MCM10: variants seen among roughly 807,000 people sequenced by gnomAD.
MCM10 encodes minichromosome maintenance 10 replication initiation factor.
MCM10 carries 91 observed loss-of-function variants against 109.9 expected under a neutral mutation model. The observed-to-expected ratio is 0.83, with a 90% CI of 0.70 to 0.99. The LOEUF (loss-of-function observed/expected upper bound fraction) is 0.99, where lower values mean the gene tolerates loss of function less well. Among genes scored for constraint, MCM10 ranks in the 50% least tolerant of loss-of-function variants. The pLI is 0.00. For missense variants in MCM10, 1,077 were observed against 1,061.2 expected (o/e 1.01, Z -0.21); for synonymous variants, 380 against 387.2 (o/e 0.98, Z 0.22).
rs1473574732 is a variant in MCM10 at position 13,201,551 on chromosome 10, G to C, written c.2352+17G>C. 6.3e-7 allele frequency: 1 copy of C among 1,578,988 alleles called. No individual in the cohort carries two copies. Among genetic ancestry groups the C allele is most frequent in the Non-Finnish European group, 8.6e-7 (1 of 1,156,258 alleles). On this transcript the variant is annotated intron_variant, in intron 17 of 19. Coordinates refer to ENST00000378714, the MANE Select transcript of MCM10 (RefSeq NM_018518.5). The stretch of plus-strand genomic sequence containing the variant: ...TGCAAGACGGTGGGTGAAGGTGGGG[G>C]CTGCAGCAACCCATGGGCCCTGTGT...
At chr10:13,168,538 GA>G (rs1834031223) in intron 2 of MCM10, among the ~76,000 whole-genome samples, 2 of 151,774 alleles carry the variant, frequency 1.3e-5, no homozygotes, top group Non-Finnish European at 2.9e-5. Context: ...GAGTAGGTCA[GA>G]TATCCTTAAT....
intron 5 of MCM10, 137 bp from the exon 6 acceptor site, chr10:13,175,373 A>T (rs1041003393): frequency 4.5e-6 from 3 of 660,276 alleles, no homozygotes; most frequent in Non-Finnish European, 8.0e-6. Context: ...ATCCCAGATC[A>T]CGCCACCATT....
chr10:13,166,584 G>A (rs1265861005), intron 2 of MCM10, among the ~76,000 whole-genome samples: 11 of 148,538 alleles, frequency 7.4e-5, no homozygotes, highest in African/African-American at 1.7e-4. Flanking sequence ...GCAGTGAGCC[G>A]AGATCGTGCC....
intron 15 of MCM10, 127 bp from the exon 16 acceptor site, chr10:13,198,562 G>A (rs2274112): frequency 3.1e-5 from 21 of 667,776 alleles, no homozygotes; most frequent in South Asian, 1.7e-4. Context: ...TGGGACCAGC[G>A]GGGGTAGGTC....
chr10:13,182,870 A>G lies in MCM10; in HGVS notation c.931-63A>G. 1 of 1,336,890 alleles carries G rather than the reference A, an allele frequency of 7.5e-7. No homozygotes were observed. Among genetic ancestry groups the G allele is most frequent in the African/African-American group, 1.5e-5 (1 of 68,100 alleles). 82.8% of individuals were successfully genotyped at this position (1,336,890 alleles called of 1,614,324 possible). A position where few individuals can be genotyped will look rare whatever the true frequency, so the allele number is the denominator to read the frequency against. On this transcript the variant is annotated intron_variant, in intron 7 of 19. Coordinates refer to ENST00000378714, the MANE Select transcript of MCM10 (RefSeq NM_018518.5). The surrounding 1 kb of genome is among the most constrained non-coding windows in gnomAD (Gnocchi z 4.2). ...ATAGTTTTCCATAGTAAAACTCTTG[A>G]ATCATAAATGAGGACGGCATAACCT...
In MCM10 at chr10:13,171,123, A is replaced by G. The variant is rs1175956108; in HGVS notation, c.209A>G (p.Glu70Gly). ...DDGETGETRD[E>G]KENLATLFGD... is the part of the protein sequence containing the mutation. Reference sequence around the variant, plus strand: ...GGAGAAACAGGAGAGACAAGAGACGAAAAGGAAAATCTGGCCACTCTCTTT... The same window carrying G: ...GGAGAAACAGGAGAGACAAGAGACGGAAAGGAAAATCTGGCCACTCTCTTT... The change falls in exon 3 of 20, where the codon GAA becomes GGA. Residue 70 changes from glutamate (E) to glycine (G), a missense_variant. Physicochemically the swap from Glu to Gly is moderately conservative, Grantham distance 98 (BLOSUM62 -2). Transcript: ENST00000378714. The G allele has an allele frequency of 1.2e-6, 2 of 1,614,244 alleles. No individual in the cohort carries two copies. Among genetic ancestry groups the G allele is most frequent in the Non-Finnish European group, 1.7e-6 (2 of 1,180,048 alleles).
At position 13,180,439 on chromosome 10, in the gene MCM10, C is replaced by T. The variant is rs1289196553; in HGVS notation, c.765-3C>T. 6.2e-7 allele frequency: 1 copy of T among 1,606,406 alleles called. No individual in the cohort carries two copies. Among genetic ancestry groups the T allele is most frequent in the African/African-American group, 1.3e-5 (1 of 74,270 alleles). On this transcript the variant is annotated splice_polypyrimidine_tract_variant and splice_region_variant and intron_variant, in intron 6 of 19. Transcript: ENST00000378714. ...ATTACTAATCGCTGGTTTCTTAACC[C>T]AGGCGGCCTCGAGTATCCTCCACAG... is the stretch of plus-strand genomic sequence containing the variant.
intron 13 of MCM10, 48 bp from the exon 14 acceptor site, chr10:13,194,993 T>G: frequency 6.4e-7 from 1 of 1,564,246 alleles, no homozygotes; most frequent in South Asian, 1.1e-5. Context: ...CTAGAGTTTT[T>G]ATTTTCGTAA....
chr10:13,208,795 A>G (rs1834620273), intron 18 of MCM10, among the ~76,000 whole-genome samples: 1 of 152,192 alleles, frequency 6.6e-6, no homozygotes, highest in African/African-American at 2.4e-5. Flanking sequence ...GTAAAAACCA[A>G]GGGTGCATTC....
Position 13,183,026 on chromosome 10 carries a change from T to G in MCM10, c.1024T>G (p.Trp342Gly). The change falls in exon 8 of 20, where the codon TGG (tryptophan) becomes GGG (glycine). Residue 342 changes from tryptophan to glycine, a missense_variant. Coordinates refer to ENST00000378714, the MANE Select transcript of MCM10 (RefSeq NM_018518.5). The stretch of plus-strand genomic sequence containing the variant: ...ATTTGGAGAAGTTCACAAAGCGCTC[T>G]GGAAGACGGAGCAGGGGACTGTCGT... ...FLFGEVHKAL[W>G]KTEQGTVVGI... The G allele has an allele frequency of 1.2e-6, 2 of 1,614,166 alleles. No homozygotes were observed. Among genetic ancestry groups the G allele is most frequent in the Middle Eastern group, 1.6e-4 (1 of 6,062 alleles).
chr10:13,167,648 G>C (rs1834018982), intron 2 of MCM10, among the ~76,000 whole-genome samples: 2 of 152,044 alleles, frequency 1.3e-5, no homozygotes, highest in Admixed American at 1.3e-4. Flanking sequence ...AGGGGTTCTT[G>C]ATGCCAGCGT....
At position 13,182,882 on chromosome 10, in the gene MCM10, G is replaced by A. The variant is rs1834226055; in HGVS notation, c.931-51G>A. On this transcript the variant is annotated intron_variant, in intron 7 of 19. Transcript: ENST00000378714. This position sits in a 1 kb window ranked among gnomAD's most constrained non-coding sequence, Gnocchi z 4.2. ...AGTAAAACTCTTGAATCATAAATGA[G>A]GACGGCATAACCTACAGTTCAAAAT... 1 of 1,411,518 alleles carries A rather than the reference G, an allele frequency of 7.1e-7. No homozygotes were observed. The highest frequency in any genetic ancestry group is 1.4e-5 in the African/African-American group (1 of 69,858). The allele number at this position is 1,411,518 out of a possible 1,614,324, so 87.4% of individuals were successfully genotyped here.
chr10:13,177,508 C>CTTTTTTTTTTTTTTTTTTTT (rs60316855), intron 6 of MCM10, among the ~76,000 whole-genome samples: 3 of 105,266 alleles, frequency 2.8e-5, no homozygotes, highest in African/African-American at 4.1e-5. Flanking sequence ...GATTTTGGAG[C>CTTTTTTTTTTTTTTTTTTTT]TTTTTTTTTT....
At chr10:13,204,441 C>A in intron 18 of MCM10, 77 bp downstream of exon 18, 2 of 1,544,142 alleles carry the variant, frequency 1.3e-6, no homozygotes, top group South Asian at 1.2e-5. Flanking sequence ...ATTCTGTTCC[C>A]TTGGAACGTT....
At position 13,201,498 on chromosome 10, in the gene MCM10, C is replaced by T. The variant is rs898743791; in HGVS notation, c.2316C>T (p.Ile772=). Residue 772 remains isoleucine, a synonymous_variant, in exon 17 of 20, where the codon ATC becomes ATT. Transcript: ENST00000378714. ...AAATGGAAGAAAAGATGAGAAACAT[C>T]AGAGAAGTGAAGTGCCGTGTCGTGA... The part of the protein sequence containing the change: ...KEQMEEKMRN[I]REVKCRVVTC... 1 of 1,612,426 alleles carries T rather than the reference C, an allele frequency of 6.2e-7. No individual in the cohort carries two copies. The highest frequency in any genetic ancestry group is 1.3e-5 in the African/African-American group (1 of 74,968).
At chr10:13,163,253 C>A (rs1025264883) in intron 1 of MCM10, among the ~76,000 whole-genome samples, 3 of 151,966 alleles carry the variant, frequency 2.0e-5, no homozygotes, top group African/African-American at 7.3e-5. Flanking sequence ...GCAGGAGAAT[C>A]ACTGGAGCCT....
intron 2 of MCM10, among the ~76,000 whole-genome samples, chr10:13,164,794 C>T (rs1385944171): frequency 6.6e-6 from 1 of 152,082 alleles, no homozygotes; most frequent in African/African-American, 2.4e-5. Flanking sequence ...CGCAGTGGCT[C>T]ACGCCTGTGA....
chr10:13,196,975 T>C (rs1834429809), intron 14 of MCM10, among the ~76,000 whole-genome samples: 1 of 152,150 alleles, frequency 6.6e-6, no homozygotes, highest in Non-Finnish European at 1.5e-5. Flanking sequence ...CCCAGGCTGG[T>C]GTACAGTGGT....
chr10:13,175,767 A>C (rs952021359), intron 6 of MCM10, 86 bp downstream of exon 6: 1 of 915,244 alleles, frequency 1.1e-6, no homozygotes, highest in Non-Finnish European at 1.7e-6. Context: ...GTGTTTATAC[A>C]TCAGGATCCA....
Sources: gnomAD v4.1 joint callset for allele counts (sites outside exome capture counted in the v4.1 genomes callset) on GRCh38, gnomAD v4.1.1 for gene constraint, Gnocchi (gnomAD v3.1) non-coding constraint, MANE v1.5 for transcripts, NCBI Gene and HGNC (gene_info 2026-07-23, HGNC 2026-07-21) for gene names.